Variants in THSD7A observed in about 807,000 individuals in gnomAD.
THSD7A encodes thrombospondin type-1 domain-containing protein 7A.
Under a neutral mutation model 231.3 loss-of-function variants are expected in THSD7A, and 96 were observed. That is an observed-to-expected ratio of 0.41 (90% CI 0.35 to 0.49). The LOEUF (loss-of-function observed/expected upper bound fraction) is 0.49, where lower values mean the gene tolerates loss of function less well. Among genes scored for constraint, THSD7A ranks in the 20% least tolerant of loss-of-function variants. THSD7A has a pLI of 0.05. For synonymous variants in THSD7A, 940 were observed against 743.3 expected (o/e 1.26, Z -4.30); for missense variants, 2,290 against 2,070.2 (o/e 1.11, Z -2.06).
intron 1 of THSD7A, among the ~76,000 whole-genome samples, chr7:11,662,223 A>T (rs1183554694): frequency 6.6e-6 from 1 of 151,306 alleles, no homozygotes; most frequent in African/African-American, 2.4e-5. Context: ...TATATTGCTT[A>T]TAAGAATAAA....
intron 1 of THSD7A, among the ~76,000 whole-genome samples, chr7:11,744,106 C>A (rs1782197342): frequency 6.6e-6 from 1 of 151,854 alleles, no homozygotes; most frequent in Non-Finnish European, 1.5e-5. Flanking sequence ...AATGAATCTA[C>A]AGGCCTTTTA....
rs189910647 is a variant in THSD7A at position 11,670,488 on chromosome 7, A to G, written c.191-33527T>C. On this transcript the variant is annotated intron_variant, in intron 1 of 27. Transcript: ENST00000423059. ...TATTCAAGAGTTTGCCTTAGGGCTC[A>G]CCTAGCCAGCTAAATAATCTGAAAA... 6.6e-5 allele frequency among the ~76,000 whole-genome samples: 10 copies of G among 152,336 alleles called. No homozygotes were observed. In the East Asian group the frequency reaches 1.9e-3, roughly 29 times the overall value.
intron 16 of THSD7A, among the ~76,000 whole-genome samples, chr7:11,418,468 T>C (rs977006304): frequency 6.6e-6 from 1 of 152,194 alleles, no homozygotes; most frequent in African/African-American, 2.4e-5. Context: ...TTATCTCTCA[T>C]GTGTAACTTG....
chr7:11,504,952 A>G (rs541812847), intron 6 of THSD7A, among the ~76,000 whole-genome samples: 5 of 152,320 alleles, frequency 3.3e-5, no homozygotes, highest in African/African-American at 4.8e-5. Flanking sequence ...AATAAAAATA[A>G]TAACTGCTAA....
intron 6 of THSD7A, among the ~76,000 whole-genome samples, chr7:11,538,691 C>T (rs1474636233): frequency 6.6e-6 from 1 of 152,092 alleles, no homozygotes; most frequent in Non-Finnish European, 1.5e-5. Flanking sequence ...AAATGTTTAT[C>T]TCTTTTTGGA....
intron 2 of THSD7A, among the ~76,000 whole-genome samples, chr7:11,607,870 G>C (rs1780785322): frequency 6.6e-6 from 1 of 152,118 alleles, no homozygotes; most frequent in Non-Finnish European, 1.5e-5. Context: ...TCACCTGCCA[G>C]CTGGAGTGAT....
At chr7:11,797,485 T>C (rs1465202672) in intron 1 of THSD7A, among the ~76,000 whole-genome samples, 2 of 150,518 alleles carry the variant, frequency 1.3e-5, no homozygotes, top group African/African-American at 4.9e-5. Flanking sequence ...GGCACAATCT[T>C]GGCTCACTGT....
chr7:11,508,757 G>T (rs904824110), intron 6 of THSD7A, among the ~76,000 whole-genome samples: 7 of 152,166 alleles, frequency 4.6e-5, no homozygotes, highest in African/African-American at 1.7e-4. Context: ...ATAACATTCA[G>T]CCTTAAAAAA....
intron 1 of THSD7A, among the ~76,000 whole-genome samples, chr7:11,716,281 G>A (rs1313388208): frequency 6.6e-6 from 1 of 151,482 alleles, no homozygotes; most frequent in Non-Finnish European, 1.5e-5. Context: ...CCCTGTGACT[G>A]TTCTAGTCCC....
chr7:11,399,559 A>T (rs1447211296), intron 23 of THSD7A, among the ~76,000 whole-genome samples: 1 of 152,170 alleles, frequency 6.6e-6, no homozygotes, highest in Non-Finnish European at 1.5e-5. Flanking sequence ...CGCATGAAAA[A>T]ATGCTCATCA....
intron 1 of THSD7A, among the ~76,000 whole-genome samples, chr7:11,818,673 C>T (rs190432481): frequency 2.0e-5 from 3 of 152,186 alleles, no homozygotes; most frequent in Non-Finnish European, 4.4e-5. Flanking sequence ...GATTTATTAA[C>T]CATACCAGAG....
intron 2 of THSD7A, among the ~76,000 whole-genome samples, chr7:11,615,109 A>G (rs763848496): frequency 6.6e-6 from 1 of 152,182 alleles, no homozygotes; most frequent in Non-Finnish European, 1.5e-5. Flanking sequence ...AAAGATGCAG[A>G]CTACATATCT....
intron 6 of THSD7A, among the ~76,000 whole-genome samples, chr7:11,527,050 T>A (rs1384487345): frequency 6.6e-6 from 1 of 152,160 alleles, no homozygotes; most frequent in Non-Finnish European, 1.5e-5. Context: ...AATGTTTAAA[T>A]GTTGTTTCTA....
intron 1 of THSD7A, among the ~76,000 whole-genome samples, chr7:11,723,785 C>T (rs1320382928): frequency 6.6e-6 from 1 of 151,894 alleles, no homozygotes; most frequent in East Asian, 2.0e-4. Context: ...TCTATCATAA[C>T]AGGGTCAGTA....
At chr7:11,713,210 G>A (rs770349144) in intron 1 of THSD7A, among the ~76,000 whole-genome samples, 1 of 151,252 alleles carries the variant, frequency 6.6e-6, no homozygotes, top group Non-Finnish European at 1.5e-5. Flanking sequence ...CTCAACTTCT[G>A]TGGCATTTTG....
At chr7:11,592,886 T>C (rs879656766) in intron 3 of THSD7A, among the ~76,000 whole-genome samples, 11 of 152,126 alleles carry the variant, frequency 7.2e-5, no homozygotes, top group Admixed American at 5.2e-4. Flanking sequence ...TAAAATTGTA[T>C]TGGAACACAG....
At chr7:11,765,573 CT>C (rs1783006528) in intron 1 of THSD7A, among the ~76,000 whole-genome samples, 1 of 152,264 alleles carries the variant, frequency 6.6e-6, no homozygotes. Flanking sequence ...AGAGAAAAAA[CT>C]TTGACTATCG....
intron 1 of THSD7A, among the ~76,000 whole-genome samples, chr7:11,762,140 C>G (rs1312716829): frequency 6.6e-6 from 1 of 151,934 alleles, no homozygotes; most frequent in Admixed American, 6.6e-5. Flanking sequence ...TTTTTTTATC[C>G]AAGCTACTGT....
intron 2 of THSD7A, among the ~76,000 whole-genome samples, chr7:11,631,369 C>G (rs1330191944): frequency 6.6e-6 from 1 of 152,108 alleles, no homozygotes; most frequent in East Asian, 1.9e-4. Context: ...GTAAAATTGC[C>G]TTTACTTCCT....
Sources: gnomAD v4.1 joint callset for allele counts (sites outside exome capture counted in the v4.1 genomes callset) on GRCh38, gnomAD v4.1.1 for gene constraint, MANE v1.5 for transcripts, NCBI Gene and HGNC (gene_info 2026-07-23, HGNC 2026-07-21) for gene names.